The following LPCAT2 variants were observed in gnomAD, a reference collection of about 807,000 sequenced individuals.
The protein encoded by LPCAT2 is 1-AGP acyltransferase 11.
LPCAT2 carries 58 observed loss-of-function variants against 64.7 expected under a neutral mutation model. The ratio of observed to expected loss-of-function variants is 0.90; its 90% CI spans 0.73 to 1.12. The LOEUF (loss-of-function observed/expected upper bound fraction) is 1.12. LPCAT2 is among the 50% of genes most tolerant of loss of function. The pLI is 0.00. For missense variants in LPCAT2, 579 were observed against 669.8 expected, an observed-to-expected ratio of 0.86 and a Z score of 1.50; for synonymous variants, 252 against 245.3, an observed-to-expected ratio of 1.03 and a Z score of -0.26.
chr16:55,533,472 G>A (rs766012612), intron 6 of LPCAT2, among the ~76,000 whole-genome samples: 3 of 136,582 alleles, frequency 2.2e-5, no homozygotes, highest in Non-Finnish European at 3.0e-5. Flanking sequence ...GTACAATGGC[G>A]TGATCTTGGC....
At chr16:55,568,219 A>G (rs1963729604) in intron 11 of LPCAT2, among the ~76,000 whole-genome samples, 1 of 152,252 alleles carries the variant, frequency 6.6e-6, no homozygotes. Context: ...GAATAAAACA[A>G]TATGCTCATA....
At position 55,529,403 on chromosome 16, in the gene LPCAT2, G is replaced by A. The variant is rs112895631; in HGVS notation, c.530-432G>A. On this transcript the variant is annotated intron_variant, in intron 3 of 13. Transcript: ENST00000262134. ...TTTGGTAAATTGAAGTTGATTTTTCGTGTGTTAGGAAGCTATTTTAAAAAA... is the reference window on the plus strand; with the variant it reads ...TTTGGTAAATTGAAGTTGATTTTTCATGTGTTAGGAAGCTATTTTAAAAAA... Among the ~76,000 whole-genome samples, 977 of 151,946 alleles carry A rather than the reference G, an allele frequency of 6.4e-3. 19 individuals carry two copies. The highest frequency in any genetic ancestry group is 0.022 in the African/African-American group (912 of 41,458).
At chr16:55,532,988 G>A in intron 6 of LPCAT2, 106 bp downstream of exon 6, 1 of 863,382 alleles carries the variant, frequency 1.2e-6, no homozygotes, top group South Asian at 1.9e-5. Flanking sequence ...GATAAATGGT[G>A]GAAGCAAATG....
intron 1 of LPCAT2, among the ~76,000 whole-genome samples, chr16:55,510,643 A>C (rs1012450851): frequency 1.2e-4 from 19 of 152,182 alleles, no homozygotes; most frequent in Admixed American, 5.2e-4. Flanking sequence ...GTCTGGTTGA[A>C]GAGGGGTGTG....
At chr16:55,523,025 T>G (rs1963119565) in intron 1 of LPCAT2, among the ~76,000 whole-genome samples, 1 of 151,576 alleles carries the variant, frequency 6.6e-6, no homozygotes, top group Non-Finnish European at 1.5e-5. Context: ...AGCCACAGAA[T>G]GAGAGAAAAT....
chr16:55,534,419 G>C (rs1410862816), intron 6 of LPCAT2, 24 bp from the exon 7 acceptor site: 1 of 1,475,944 alleles, frequency 6.8e-7, no homozygotes, highest in Admixed American at 1.8e-5. Context: ...CAGACCAACA[G>C]CTAAAATAAT....
chr16:55,543,781 G>C (rs568964511), intron 8 of LPCAT2, among the ~76,000 whole-genome samples: 1 of 152,200 alleles, frequency 6.6e-6, no homozygotes, highest in African/African-American at 2.4e-5. Context: ...TCATTTGACA[G>C]GAGAGGGCAC....
intron 11 of LPCAT2, among the ~76,000 whole-genome samples, chr16:55,551,692 T>C (rs147738712): frequency 1.7e-3 from 260 of 152,324 alleles, no homozygotes; most frequent in Middle Eastern, 6.8e-3. Context: ...GGACATGCAA[T>C]TAGATAATTG....
intron 9 of LPCAT2, among the ~76,000 whole-genome samples, chr16:55,549,068 A>T (rs564662830): frequency 6.6e-6 from 1 of 152,308 alleles, no homozygotes; most frequent in Admixed American, 6.5e-5. Flanking sequence ...AGAAGCATGT[A>T]GATATAAGGA....
intron 8 of LPCAT2, chr16:55,542,137 C>T: frequency 2.9e-6 from 1 of 349,882 alleles, no homozygotes. Flanking sequence ...ATGTAAGTGA[C>T]TGGCTTTGGT....
Position 55,577,418 on chromosome 16 carries a change from T to C in LPCAT2, c.1315-1691T>C, listed in dbSNP as rs74524544. Among the ~76,000 whole-genome samples, 516 of 152,266 alleles carry C rather than the reference T, an allele frequency of 3.4e-3. 19 individuals are homozygous for C. The South Asian group carries it at 0.065, about 19-fold the overall frequency. On this transcript the variant is annotated intron_variant, in intron 12 of 13. Transcript: ENST00000262134. ...GAACTCTAGATATTATCTGCCTGGA[T>C]TTGGATGCCCCCTGTACTACTTGCA...
At chr16:55,532,587 C>A (rs1009935495) in intron 5 of LPCAT2, 10 of 225,556 alleles carry the variant, frequency 4.4e-5, no homozygotes, top group African/African-American at 1.8e-4. Context: ...AATGAATAAA[C>A]AAATATTTTA....
intron 10 of LPCAT2, among the ~76,000 whole-genome samples, chr16:55,550,341 G>A (rs1402741617): frequency 1.3e-5 from 2 of 152,104 alleles, no homozygotes; most frequent in African/African-American, 4.8e-5. Context: ...TAATCTTGGA[G>A]GACATGTGTA....
At chr16:55,576,448 AGACT>A (rs1963828967) in intron 12 of LPCAT2, among the ~76,000 whole-genome samples, 2 of 151,658 alleles carry the variant, frequency 1.3e-5, no homozygotes, top group Admixed American at 6.6e-5. Flanking sequence ...GCAATAAGAT[AGACT>A]GACTGACTGA....
At chr16:55,536,013 A>G (rs1963319490) in intron 7 of LPCAT2, among the ~76,000 whole-genome samples, 1 of 152,226 alleles carries the variant, frequency 6.6e-6, no homozygotes. Context: ...TTTGAGAGTC[A>G]AAAATTTTTC....
intron 11 of LPCAT2, among the ~76,000 whole-genome samples, chr16:55,572,666 T>A (rs1470567943): frequency 6.6e-6 from 1 of 152,112 alleles, no homozygotes; most frequent in Non-Finnish European, 1.5e-5. Context: ...TCAAAACACA[T>A]CAAACTAAGC....
chr16:55,548,819 T>C (rs751531889), intron 9 of LPCAT2, among the ~76,000 whole-genome samples: 2 of 152,192 alleles, frequency 1.3e-5, no homozygotes, highest in East Asian at 1.9e-4. Flanking sequence ...CGGCTCCATT[T>C]ATCTGTTTAA....
intron 11 of LPCAT2, among the ~76,000 whole-genome samples, chr16:55,565,662 A>G (rs1156649652): frequency 6.6e-6 from 1 of 152,042 alleles, no homozygotes; most frequent in Non-Finnish European, 1.5e-5. Flanking sequence ...CAAATCATAG[A>G]GCTAGAAAAT....
rs144503508 is a variant in LPCAT2, at chr16:55,567,053, T to A, written c.1216-7578T>A. On this transcript the variant is annotated intron_variant, in intron 11 of 13. Transcript: ENST00000262134. ...CAGACATGGAGGTGGGTGCCACTGA[T>A]CTGATGAATATTCTCAACAAAGTCC... 3.3e-3 allele frequency: 5,392 copies of A among 1,613,852 alleles called. 21 individuals are homozygous for A. The highest frequency in any genetic ancestry group is 0.013 in the Middle Eastern group (78 of 6,062).
Sources: allele counts gnomAD v4.1 joint callset (sites outside exome capture counted in the v4.1 genomes callset), GRCh38; gene constraint gnomAD v4.1.1; transcripts MANE v1.5; gene names NCBI Gene and HGNC (gene_info 2026-07-23, HGNC 2026-07-21).